Variants in DNAH8 observed in about 807,000 individuals in gnomAD.
The protein encoded by DNAH8 is dynein axonemal heavy chain 8.
In DNAH8, 382 loss-of-function variants were observed where a neutral mutation model predicts 562.1. The ratio of observed to expected loss-of-function variants is 0.68; its 90% CI spans 0.63 to 0.74. The LOEUF (loss-of-function observed/expected upper bound fraction) is 0.74, where lower values mean the gene tolerates loss of function less well. Among genes scored for constraint, DNAH8 ranks in the 30% least tolerant of loss-of-function variants. DNAH8 has a pLI of 0.00. For missense variants in DNAH8, 5,203 were observed against 5,620.4 expected (o/e 0.93, Z 2.37); for synonymous variants, 1,881 against 1,919.4 (o/e 0.98, Z 0.52).
rs745394025 is a variant in DNAH8 at position 38,734,577 on chromosome 6, T to C, written c.714T>C (p.Phe238=). 6.2e-7 allele frequency: 1 copy of C among 1,613,814 alleles called. No individual in the cohort carries two copies. The highest frequency in any genetic ancestry group is 8.5e-7 in the Non-Finnish European group (1 of 1,179,990). ...PDKLKGLCIF[F]VRCRNDVAIN... is the part of the protein sequence containing the mutation. ...AACTAAAAGGACTGTGCATATTTTTTGTTCGTTGCCGTAATGATGTTGCTA... is the reference window on the plus strand; with the variant it reads ...AACTAAAAGGACTGTGCATATTTTTCGTTCGTTGCCGTAATGATGTTGCTA... Residue 238 remains phenylalanine (F), a synonymous_variant, in exon 5 of 93, where the codon TTT becomes TTC. Coordinates refer to ENST00000327475, the MANE Select transcript of DNAH8 (RefSeq NM_001206927.2).
At chr6:38,747,065 T>C (rs552172238) in intron 8 of DNAH8, among the ~76,000 whole-genome samples, 1 of 152,334 alleles carries the variant, frequency 6.6e-6, no homozygotes, top group Admixed American at 6.5e-5. Flanking sequence ...GTGTGAATCA[T>C]GTAAGATTTA....
Position 38,924,107 on chromosome 6 carries a change from A to G in DNAH8, c.10907A>G (p.Lys3636Arg). ...TGGGAAATGGAGTTGAGAGCACGGA[A>G]AATTCCTTTCACAGAAAACCTGAAT... ...DQWEMELRARKIPFTENLNLI... is the reference protein window; with the variant it reads ...DQWEMELRARRIPFTENLNLI... Residue 3636 changes from lysine to arginine, a missense_variant, in exon 73 of 93, where the codon AAA (lysine) becomes AGA (arginine). Physicochemically the swap from Lys to Arg is conservative, Grantham distance 26. This residue lies in a region of DNAH8 where 1,399 missense variants were observed against 1,518.4 expected (regional missense o/e 0.92). Coordinates refer to ENST00000327475, the MANE Select transcript of DNAH8 (RefSeq NM_001206927.2). 6.2e-7 allele frequency: 1 copy of G among 1,614,026 alleles called. No homozygotes were observed. The highest frequency in any genetic ancestry group is 8.5e-7 in the Non-Finnish European group (1 of 1,179,928).
At chr6:38,883,157 T>G in intron 54 of DNAH8, 105 bp downstream of exon 54, 1 of 1,336,906 alleles carries the variant, frequency 7.5e-7, no homozygotes, top group Non-Finnish European at 1.0e-6. Context: ...ATTTTACATT[T>G]AAATCTGTAA....
At chr6:38,715,960 A>ATATATATTTTT (rs1372342002) in intron 1 of DNAH8, among the ~76,000 whole-genome samples, 1 of 23,634 alleles carries the variant, frequency 4.2e-5, no homozygotes, top group Non-Finnish European at 6.2e-5. Context: ...ATATATATAT[A>ATATATATTTTT]TTTTTTTTTT....
At chr6:38,715,960 A>ATATTTTTTTTTTTT (rs1372342002) in intron 1 of DNAH8, among the ~76,000 whole-genome samples, 2 of 23,626 alleles carry the variant, frequency 8.5e-5, no homozygotes, top group African/African-American at 7.2e-4. Context: ...ATATATATAT[A>ATATTTTTTTTTTTT]TTTTTTTTTT....
chr6:38,910,855 C>T (rs542078992), intron 65 of DNAH8, among the ~76,000 whole-genome samples: 12 of 152,076 alleles, frequency 7.9e-5, no homozygotes, highest in East Asian at 3.8e-4. Flanking sequence ...TTTTATAGTA[C>T]GTGAAGAACT....
At chr6:38,994,648 T>A (rs1765014799) in intron 88 of DNAH8, among the ~76,000 whole-genome samples, 1 of 117,322 alleles carries the variant, frequency 8.5e-6, no homozygotes, top group Non-Finnish European at 1.7e-5. Context: ...ACTTTTTTTT[T>A]CTTTTTTTTT....
At chr6:38,854,357 A>T (rs116525648) in intron 41 of DNAH8, among the ~76,000 whole-genome samples, 1 of 152,160 alleles carries the variant, frequency 6.6e-6, no homozygotes, top group Non-Finnish European at 1.5e-5. Context: ...AGAGATATCC[A>T]AGGAAAACGT....
chr6:38,985,859 C>T (rs1204589198), intron 87 of DNAH8, among the ~76,000 whole-genome samples: 1 of 152,164 alleles, frequency 6.6e-6, no homozygotes, highest in East Asian at 1.9e-4. Context: ...TAGGGCAGTT[C>T]CTGGGGAGGG....
chr6:38,935,757 T>G, intron 77 of DNAH8, 60 bp downstream of exon 77: 3 of 1,228,018 alleles, frequency 2.4e-6, no homozygotes, highest in Non-Finnish European at 3.5e-6. Context: ...TCATTTACAC[T>G]CTTTTCAATG....
At chr6:38,775,984 G>A (rs72849188) in intron 13 of DNAH8, 33 bp downstream of exon 13, 2 of 1,402,544 alleles carry the variant, frequency 1.4e-6, no homozygotes, top group Non-Finnish European at 2.0e-6. Context: ...ACTTAGTAAA[G>A]CTGAAAAGTA....
intron 25 of DNAH8, 90 bp downstream of exon 25, chr6:38,814,219 C>A (rs1187852678): frequency 1.3e-6 from 1 of 764,134 alleles, no homozygotes; most frequent in South Asian, 1.8e-5. Flanking sequence ...ACATTTTGGT[C>A]CTATGTCTTT....
intron 23 of DNAH8, among the ~76,000 whole-genome samples, chr6:38,806,894 C>G (rs906037898): frequency 3.9e-5 from 6 of 152,166 alleles, no homozygotes; most frequent in African/African-American, 1.4e-4. Context: ...CTTGATATTC[C>G]TCTTTGTTCA....
At chr6:38,918,253 G>C (rs1781457452) in intron 70 of DNAH8, 113 bp downstream of exon 70, 1 of 704,758 alleles carries the variant, frequency 1.4e-6, no homozygotes, top group African/African-American at 1.8e-5. Context: ...AGATGTCCCT[G>C]TTACCAAATT....
chr6:39,009,031 T>G, intron 89 of DNAH8, 61 bp downstream of exon 89: 1 of 1,246,018 alleles, frequency 8.0e-7, no homozygotes, highest in Non-Finnish European at 1.1e-6. Flanking sequence ...ACAGTAAGTT[T>G]GATTACCTTG....
chr6:38,899,750 T>A (rs1561836497), intron 61 of DNAH8, 26 bp from the exon 62 acceptor site: 1 of 1,612,076 alleles, frequency 6.2e-7, no homozygotes. Context: ...TTTTTTCAAA[T>A]AAGCACGTTT....
At chr6:38,941,964 A>G (rs1342193612) in intron 79 of DNAH8, among the ~76,000 whole-genome samples, 3 of 152,164 alleles carry the variant, frequency 2.0e-5, no homozygotes, top group Non-Finnish European at 4.4e-5. Flanking sequence ...TCATGAGGGT[A>G]GAGCTCTCGT....
intron 36 of DNAH8, among the ~76,000 whole-genome samples, chr6:38,846,528 C>T (rs1161434270): frequency 2.0e-5 from 3 of 152,150 alleles, no homozygotes; most frequent in African/African-American, 7.2e-5. Context: ...TGCTGCATGA[C>T]CTCTGGCTCC....
chr6:38,718,377 T>A (rs1050717204), intron 1 of DNAH8, among the ~76,000 whole-genome samples: 1 of 152,190 alleles, frequency 6.6e-6, no homozygotes, highest in Non-Finnish European at 1.5e-5. Context: ...AATTAAATAA[T>A]TGCATCACTC....
Sources: allele counts gnomAD v4.1 joint callset (sites outside exome capture counted in the v4.1 genomes callset), GRCh38; gene constraint gnomAD v4.1.1; regional missense constraint gnomAD v4.1.1; transcripts MANE v1.5; gene names NCBI Gene and HGNC (gene_info 2026-07-23, HGNC 2026-07-21).